The following VPS41 variants were observed in gnomAD, a reference collection of about 807,000 sequenced individuals.
VPS41 encodes the protein VPS41 subunit of HOPS complex.
A neutral mutation model predicts 130.9 loss-of-function variants in VPS41; 85 were observed. The observed-to-expected ratio is 0.65, with a 90% CI of 0.55 to 0.78. The LOEUF (loss-of-function observed/expected upper bound fraction) is 0.78, where lower values mean the gene tolerates loss of function less well. Ranked by LOEUF, VPS41 falls within the 30% of genes least tolerant of loss-of-function variation. VPS41 has a pLI of 0.00. For synonymous variants in VPS41, 335 were observed against 332.9 expected (o/e 1.01, Z -0.07); for missense variants, 874 against 1,018.7 (o/e 0.86, Z 1.93).
At chr7:38,887,953 A>C (rs1786771642) in intron 2 of VPS41, among the ~76,000 whole-genome samples, 1 of 152,230 alleles carries the variant, frequency 6.6e-6, no homozygotes, top group South Asian at 2.1e-4. Flanking sequence ...AAGGAGAAAT[A>C]AAATTCTTTA....
intron 4 of VPS41, among the ~76,000 whole-genome samples, chr7:38,854,595 G>A (rs1392646352): frequency 6.6e-6 from 1 of 152,088 alleles, no homozygotes; most frequent in East Asian, 1.9e-4. Flanking sequence ...TCCTGATATG[G>A]GAGAGGAAGG....
chr7:38,780,185 T>C (rs1225729824), intron 10 of VPS41, among the ~76,000 whole-genome samples: 1 of 114,884 alleles, frequency 8.7e-6, no homozygotes, highest in East Asian at 4.6e-4. Flanking sequence ...TTTTTGGTTT[T>C]TGTTTTTTTT....
intron 1 of VPS41, among the ~76,000 whole-genome samples, chr7:38,904,154 C>T (rs1787203579): frequency 1.3e-5 from 2 of 152,102 alleles, no homozygotes; most frequent in South Asian, 2.1e-4. Flanking sequence ...GAAACAAAGG[C>T]AACAGGGGAC....
intron 5 of VPS41, among the ~76,000 whole-genome samples, chr7:38,823,615 T>A (rs925004052): frequency 5.3e-5 from 8 of 152,216 alleles, no homozygotes. Flanking sequence ...AGCAGGAAAT[T>A]CACTTATGTT....
chr7:38,741,250 AT>A, intron 25 of VPS41: 1 of 265,402 alleles, frequency 3.8e-6, no homozygotes, highest in South Asian at 4.0e-5. Flanking sequence ...ATAAAACCTC[AT>A]TTTCAAGTAA....
At chr7:38,880,159 T>C (rs1323811063) in intron 2 of VPS41, among the ~76,000 whole-genome samples, 1 of 152,102 alleles carries the variant, frequency 6.6e-6, no homozygotes, top group Non-Finnish European at 1.5e-5. Flanking sequence ...ACCCAGTGAA[T>C]GTGAAATACT....
At chr7:38,833,194 T>C (rs2392602) in intron 4 of VPS41, among the ~76,000 whole-genome samples, 92,934 of 151,998 alleles carry the variant, frequency 0.61, 29,247 homozygotes, top group East Asian at 0.89. Context: ...CAGCTGCTAT[T>C]CTGGTCCATC....
At chr7:38,907,995 C>T (rs1378970762) in intron 1 of VPS41, among the ~76,000 whole-genome samples, 1 of 152,170 alleles carries the variant, frequency 6.6e-6, no homozygotes, top group Non-Finnish European at 1.5e-5. Flanking sequence ...ATCTTGTTAT[C>T]ACAAGGACCA....
rs1432637789 is a variant in VPS41 at position 38,817,900 on chromosome 7, C to G, written c.385-18G>C. On this transcript the variant is annotated intron_variant, in intron 6 of 28. Transcript: ENST00000310301. Reference sequence around the variant, plus strand: ...GCAATAATCTACAAGAGAAACAGAACCCAACTCTGGTTTAGGAGTCATGGC... The same window carrying G: ...GCAATAATCTACAAGAGAAACAGAAGCCAACTCTGGTTTAGGAGTCATGGC... 1.2e-6 allele frequency: 2 copies of G among 1,610,872 alleles called. No individual in the cohort carries two copies. The highest frequency in any genetic ancestry group is 1.7e-6 in the Non-Finnish European group (2 of 1,177,404).
chr7:38,783,160 A>G (rs144925140), intron 10 of VPS41, among the ~76,000 whole-genome samples: 7 of 152,290 alleles, frequency 4.6e-5, no homozygotes, highest in South Asian at 2.1e-4. Flanking sequence ...CTGAGTATCA[A>G]TTACACGAGA....
chr7:38,796,616 A>T, intron 8 of VPS41, 129 bp downstream of exon 8: 1 of 1,379,888 alleles, frequency 7.2e-7, no homozygotes, highest in East Asian at 2.3e-5. Context: ...TATGATACCA[A>T]TCGTCCTTAC....
At chr7:38,855,172 T>C (rs1785954726) in intron 4 of VPS41, among the ~76,000 whole-genome samples, 1 of 131,276 alleles carries the variant, frequency 7.6e-6, no homozygotes, top group East Asian at 2.3e-4. Flanking sequence ...ATTGCGCCAC[T>C]GCACTCCAGC....
chr7:38,761,552 C>A (rs1783922044), intron 17 of VPS41, among the ~76,000 whole-genome samples: 1 of 151,666 alleles, frequency 6.6e-6, no homozygotes, highest in Non-Finnish European at 1.5e-5. Flanking sequence ...CACAGCCTCC[C>A]AAAGTGCTGG....
chr7:38,896,142 A>C (rs1786986575), intron 2 of VPS41, among the ~76,000 whole-genome samples: 1 of 152,220 alleles, frequency 6.6e-6, no homozygotes, highest in South Asian at 2.1e-4. Context: ...GCATGTGTGG[A>C]AAGATTTAGA....
intron 4 of VPS41, among the ~76,000 whole-genome samples, chr7:38,841,208 C>A (rs1488207469): frequency 6.6e-6 from 1 of 152,194 alleles, no homozygotes; most frequent in African/African-American, 2.4e-5. Context: ...ATTCAACCAA[C>A]AAAGAAGCCT....
At chr7:38,832,688 A>G (rs1157944958) in intron 4 of VPS41, among the ~76,000 whole-genome samples, 1 of 152,130 alleles carries the variant, frequency 6.6e-6, no homozygotes, top group Non-Finnish European at 1.5e-5. Context: ...ATGTTGCTAA[A>G]CATAATGGTC....
At chr7:38,758,327 G>A (rs1783845154) in intron 18 of VPS41, 27 bp downstream of exon 18, 1 of 1,582,990 alleles carries the variant, frequency 6.3e-7, no homozygotes, top group East Asian at 2.2e-5. Flanking sequence ...GACTGATATG[G>A]AAAAAGAAAC....
At chr7:38,901,992 C>A (rs1048466089) in intron 1 of VPS41, among the ~76,000 whole-genome samples, 4 of 152,178 alleles carry the variant, frequency 2.6e-5, no homozygotes, top group Admixed American at 2.6e-4. Context: ...CCCAGTGACA[C>A]AAATGTCTAT....
At chr7:38,884,630 C>G (rs971316375) in intron 2 of VPS41, among the ~76,000 whole-genome samples, 1 of 152,180 alleles carries the variant, frequency 6.6e-6, no homozygotes, top group African/African-American at 2.4e-5. Context: ...GCTGTGATTA[C>G]AAGTGTGAGC....
Sources: gnomAD v4.1 joint callset for allele counts (sites outside exome capture counted in the v4.1 genomes callset) on GRCh38, gnomAD v4.1.1 for gene constraint, MANE v1.5 for transcripts, NCBI Gene and HGNC (gene_info 2026-07-23, HGNC 2026-07-21) for gene names.